FBXL3: variants seen among roughly 807,000 people sequenced by gnomAD.
FBXL3 encodes the protein F-box and leucine rich repeat protein 3.
In FBXL3, 14 loss-of-function variants were observed where a neutral mutation model predicts 37.9. The observed-to-expected ratio is 0.37, with a 90% CI of 0.24 to 0.58. The LOEUF (loss-of-function observed/expected upper bound fraction) is 0.58, where lower values mean the gene tolerates loss of function less well. Ranked by LOEUF, FBXL3 falls within the 20% of genes least tolerant of loss-of-function variation. FBXL3 has a pLI of 0.74. For missense variants in FBXL3, 327 were observed against 511.1 expected (o/e 0.64, Z 3.47); for synonymous variants, 194 against 180.1 (o/e 1.08, Z -0.62).
intron 4 of FBXL3, 178 bp downstream of exon 4, chr13:77,015,231 C>T (rs2034623080): frequency 2.5e-6 from 1 of 398,684 alleles, no homozygotes; most frequent in East Asian, 3.7e-5. Context: ...AGCTGAAAGT[C>T]AGTGTCTAGG....
In FBXL3 at chr13:77,005,375, T is replaced by C. The variant is rs2034432703; in HGVS notation, c.*1770A>G. On this transcript the variant is annotated 3_prime_UTR_variant, in exon 5 of 5. Coordinates refer to ENST00000355619, the MANE Select transcript of FBXL3 (RefSeq NM_012158.4). ...TAAAGTGACAAAGTATTTTAAGCAT[T>C]ATATAATTCAATTTGTACAAAAAGT... The C allele has an allele frequency of 6.6e-6, 1 of 152,614 alleles. No homozygotes were observed. Among genetic ancestry groups the C allele is most frequent in the Non-Finnish European group, 1.5e-5 (1 of 67,998 alleles). The allele number at this position is 152,614 out of a possible 1,614,324, so 9.5% of individuals were successfully genotyped here. A position where few individuals can be genotyped will look rare whatever the true frequency, so the allele number is the denominator to read the frequency against.
chr13:77,007,867 CAA>C (rs968410730), intron 4 of FBXL3, 79 bp from the exon 5 acceptor site: 10 of 1,291,704 alleles, frequency 7.7e-6, no homozygotes, highest in African/African-American at 3.0e-5. Flanking sequence ...ACATGTCCCA[CAA>C]AAGTTTGTCA....
rs1651386989 is a variant in FBXL3 at position 77,007,298 on chromosome 13, C to T, written c.1134G>A (p.Glu378=). ...GGCGGCCACCACACATCTTCACAAACTCAACAAAGGCACTACATGAGACTT... is the reference window on the plus strand; with the variant it reads ...GGCGGCCACCACACATCTTCACAAATTCAACAAAGGCACTACATGAGACTT... ...ECEVSCSAFV[E]FVKMCGGRLS... Residue 378 remains glutamate, a synonymous_variant, in exon 5 of 5, where the codon GAG becomes GAA. Transcript: ENST00000355619. 4.3e-6 allele frequency: 7 copies of T among 1,614,136 alleles called. No homozygotes were observed. Among genetic ancestry groups the T allele is most frequent in the Non-Finnish European group, 5.9e-6 (7 of 1,180,020 alleles).
At chr13:77,018,211 T>C (rs2034678350) in intron 3 of FBXL3, 1 of 153,254 alleles carries the variant, frequency 6.5e-6, no homozygotes, top group African/African-American at 2.4e-5. Context: ...CAAAAGATTT[T>C]AGAAGCTATA....
At chr13:77,015,816 GATAAGTGTCTCTA>G in intron 3 of FBXL3, 1 of 260,538 alleles carries the variant, frequency 3.8e-6, no homozygotes, top group South Asian at 1.4e-4. Context: ...CAAGCCTCAG[GATAAGTGTCTCTA>G]AATCAGAGAA....
intron 2 of FBXL3, among the ~76,000 whole-genome samples, chr13:77,020,493 A>AAG (rs1328879131): frequency 1.3e-5 from 2 of 152,316 alleles, no homozygotes; most frequent in East Asian, 3.9e-4. Context: ...GAGGGAAGAC[A>AAG]AGATTTTAGT....
chr13:77,007,934 G>T, intron 4 of FBXL3, 146 bp from the exon 5 acceptor site: 1 of 585,182 alleles, frequency 1.7e-6, no homozygotes, highest in Non-Finnish European at 2.8e-6. Flanking sequence ...TGAATTAGAA[G>T]GGAAGTAACA....
In FBXL3 at chr13:77,007,796, G is replaced by T; in HGVS notation, c.644-8C>A. 2.0e-6 allele frequency: 3 copies of T among 1,471,946 alleles called. No individual in the cohort carries two copies. The highest frequency in any genetic ancestry group is 1.4e-5 in the South Asian group (1 of 72,894). 91.2% of individuals were successfully genotyped at this position (1,471,946 alleles called of 1,614,324 possible). Reference sequence around the variant, plus strand: ...CAGCCACACAAAGGATACCTTGAAAGAAAAAAAAAATTATTTGCAAGTTTT... The same window carrying T: ...CAGCCACACAAAGGATACCTTGAAATAAAAAAAAAATTATTTGCAAGTTTT... On this transcript the variant is annotated splice_region_variant and splice_polypyrimidine_tract_variant and intron_variant, in intron 4 of 4. Coordinates refer to ENST00000355619, the MANE Select transcript of FBXL3 (RefSeq NM_012158.4).
intron 2 of FBXL3, 46 bp downstream of exon 2, chr13:77,021,467 C>G: frequency 7.1e-7 from 1 of 1,411,312 alleles, no homozygotes; most frequent in Non-Finnish European, 9.7e-7. Flanking sequence ...GGAAACAAAG[C>G]CACTAAAAAT....
intron 3 of FBXL3, chr13:77,016,316 G>A (rs1465297103): frequency 6.6e-6 from 1 of 152,134 alleles, no homozygotes; most frequent in Non-Finnish European, 1.5e-5. Flanking sequence ...TAGGCAAACA[G>A]GAATTAAAGC....
intron 4 of FBXL3, chr13:77,013,233 A>G (rs1593926827): frequency 6.6e-6 from 1 of 152,230 alleles, no homozygotes; most frequent in Non-Finnish European, 1.5e-5. Flanking sequence ...ATTCCTGGGC[A>G]TAGGCCGAAT....
At position 77,006,791 on chromosome 13, in the gene FBXL3, T is replaced by A; in HGVS notation, c.*354A>T. 9.9e-7 allele frequency: 1 copy of A among 1,005,450 alleles called. No homozygotes were observed. The highest frequency in any genetic ancestry group is 1.7e-5 in the African/African-American group (1 of 58,032). 62.3% of individuals were successfully genotyped at this position (1,005,450 alleles called of 1,614,324 possible). On this transcript the variant is annotated 3_prime_UTR_variant, in exon 5 of 5. Coordinates refer to ENST00000355619, the MANE Select transcript of FBXL3 (RefSeq NM_012158.4). The stretch of plus-strand genomic sequence containing the variant: ...TGTCAAGTTTACATTTTTTTTTAAA[T>A]GCATAGAGAATATAACATTTCAGAA...
chr13:77,009,339 T>C (rs1223984885), intron 4 of FBXL3: 2 of 152,228 alleles, frequency 1.3e-5, no homozygotes, highest in African/African-American at 4.8e-5. Flanking sequence ...TACTTTATTT[T>C]TGTTTTGAGA....
At chr13:77,026,193 CATTT>C (rs1283486768) in intron 1 of FBXL3, 1 of 985,232 alleles carries the variant, frequency 1.0e-6, no homozygotes, top group Non-Finnish European at 1.2e-6. Flanking sequence ...AGATACAGAC[CATTT>C]ACTGGGCTGC....
At chr13:77,026,007 T>TA (rs1171704247) in intron 1 of FBXL3, among the ~76,000 whole-genome samples, 1 of 151,354 alleles carries the variant, frequency 6.6e-6, no homozygotes, top group African/African-American at 2.4e-5. Flanking sequence ...GTCATATAGA[T>TA]AGATAGATAA....
At chr13:77,013,217 T>C (rs900175070) in intron 4 of FBXL3, 1 of 152,240 alleles carries the variant, frequency 6.6e-6, no homozygotes, top group African/African-American at 2.4e-5. Context: ...TAAGCTGCCC[T>C]GGTTCATTCC....
In FBXL3 at chr13:77,023,345, A is replaced by AGAGAGTGTGT. The variant is rs199568005; in HGVS notation, c.-1-1485_-1-1484insACACACTCTC. Among the ~76,000 whole-genome samples, 1,190 of 147,578 alleles carry AGAGAGTGTGT rather than the reference A, an allele frequency of 8.1e-3. 6 individuals are homozygous for AGAGAGTGTGT. Among genetic ancestry groups the AGAGAGTGTGT allele is most frequent in the Non-Finnish European group, 0.01 (686 of 66,464 alleles). On this transcript the variant is annotated intron_variant, in intron 1 of 4. Coordinates refer to ENST00000355619, the MANE Select transcript of FBXL3 (RefSeq NM_012158.4). ...TTTGCTTTAAAATGGAGAGAGAGAG[A>AGAGAGTGTGT]GTGTGTGTGTGTGTGTGTGTGTGTG... is the stretch of plus-strand genomic sequence containing the variant.
chr13:77,012,002 A>G (rs9593208), intron 4 of FBXL3, among the ~76,000 whole-genome samples: 10,896 of 152,258 alleles, frequency 0.072, 1,333 homozygotes, highest in African/African-American at 0.24. Flanking sequence ...AGCATTATTC[A>G]TAAGTCAAAA....
intron 4 of FBXL3, among the ~76,000 whole-genome samples, chr13:77,008,157 C>G (rs1413779183): frequency 2.0e-5 from 3 of 152,164 alleles, no homozygotes; most frequent in Admixed American, 2.0e-4. Context: ...TACAGGACCA[C>G]TGTGACGGAG....
Sources: allele counts gnomAD v4.1 joint callset (sites outside exome capture counted in the v4.1 genomes callset), GRCh38; gene constraint gnomAD v4.1.1; transcripts MANE v1.5; gene names NCBI Gene and HGNC (gene_info 2026-07-23, HGNC 2026-07-21).